The following RCAN2 variants were observed in gnomAD, a reference collection of about 807,000 sequenced individuals.
RCAN2 encodes the protein calcipressin-2.
A neutral mutation model predicts 23.6 loss-of-function variants in RCAN2; 9 were observed. That is an observed-to-expected ratio of 0.38 (90% CI 0.23 to 0.67). The LOEUF (loss-of-function observed/expected upper bound fraction) is 0.67, where lower values mean the gene tolerates loss of function less well. Among genes scored for constraint, RCAN2 ranks in the 30% least tolerant of loss-of-function variants. The probability of loss-of-function intolerance (pLI) is 0.51; values close to 1 mark genes in which losing one functional copy is unlikely to be tolerated. For synonymous variants in RCAN2, 109 were observed against 115.7 expected, an observed-to-expected ratio of 0.94 and a Z score of 0.37; for missense variants, 273 against 302.3, an observed-to-expected ratio of 0.90 and a Z score of 0.72.
At chr6:46,260,520 C>T (rs184969136) in intron 2 of RCAN2, among the ~76,000 whole-genome samples, 1 of 152,162 alleles carries the variant, frequency 6.6e-6, no homozygotes, top group Non-Finnish European at 1.5e-5. Flanking sequence ...GGAAGCTGTC[C>T]AATAAGTAGG....
intron 2 of RCAN2, among the ~76,000 whole-genome samples, chr6:46,281,969 T>A (rs1413911392): frequency 6.6e-6 from 1 of 152,180 alleles, no homozygotes; most frequent in Admixed American, 6.5e-5. Context: ...TCATCATTAA[T>A]GGTAACTTTC....
At chr6:46,359,144 T>C (rs1300517801) in intron 2 of RCAN2, among the ~76,000 whole-genome samples, 2 of 152,344 alleles carry the variant, frequency 1.3e-5, no homozygotes, top group South Asian at 4.1e-4. Flanking sequence ...AGTTCCCAGC[T>C]GGTGCTGTTG....
At chr6:46,457,992 G>A (rs1026835853) in intron 1 of RCAN2, among the ~76,000 whole-genome samples, 5 of 152,090 alleles carry the variant, frequency 3.3e-5, no homozygotes, top group Admixed American at 6.5e-5. Flanking sequence ...CTTTTGTACC[G>A]ATTTTCATGA....
chr6:46,349,736 T>C (rs1054390483), intron 2 of RCAN2, among the ~76,000 whole-genome samples: 2 of 152,210 alleles, frequency 1.3e-5, no homozygotes, highest in African/African-American at 4.8e-5. Flanking sequence ...TTCTTACCTC[T>C]ACCACTGTGG....
At chr6:46,357,828 A>C (rs1441841799) in intron 2 of RCAN2, among the ~76,000 whole-genome samples, 1 of 152,192 alleles carries the variant, frequency 6.6e-6, no homozygotes, top group African/African-American at 2.4e-5. Context: ...AAATGCAGAC[A>C]ATATAAAGAA....
intron 2 of RCAN2, among the ~76,000 whole-genome samples, chr6:46,285,477 G>A (rs533741498): frequency 2.0e-4 from 30 of 152,276 alleles, no homozygotes; most frequent in Admixed American, 4.6e-4. Context: ...AAATAAAGAG[G>A]TTCTAATCGA....
chr6:46,356,841 AACAT>A (rs2150381171), intron 2 of RCAN2, among the ~76,000 whole-genome samples: 1 of 152,320 alleles, frequency 6.6e-6, no homozygotes, highest in African/African-American at 2.4e-5. Flanking sequence ...CTGTCAGATG[AACAT>A]TATATTATAC....
At chr6:46,481,303 T>C (rs1413120619) in intron 1 of RCAN2, among the ~76,000 whole-genome samples, 1 of 152,206 alleles carries the variant, frequency 6.6e-6, no homozygotes, top group Non-Finnish European at 1.5e-5. Flanking sequence ...TAATGAAATA[T>C]ATGAGTGAAT....
Position 46,284,166 on chromosome 6 carries a change from AATTT to A in RCAN2, c.226-35274_226-35271del, listed in dbSNP as rs201492518. ...AGCGATAGAGTTAATGTGGGCAGAA[AATTT>A]GTACCTTCTCATTGCAAAATATGGT... On this transcript the variant is annotated intron_variant, in intron 2 of 4. Transcript: ENST00000371374. Among the ~76,000 whole-genome samples the A allele has an allele frequency of 9.8e-3, 1,490 of 152,302 alleles. 9 individuals carry two copies. The highest frequency in any genetic ancestry group is 0.014 in the Non-Finnish European group (974 of 68,034).
At chr6:46,403,672 G>GCAGAATCTACCAACAAAGGA (rs1249838748) in intron 2 of RCAN2, among the ~76,000 whole-genome samples, 33 of 151,998 alleles carry the variant, frequency 2.2e-4, no homozygotes, top group Admixed American at 1.0e-3. Flanking sequence ...GATAAGGTTA[G>GCAGAATCTACCAACAAAGGA]CAGAATCTAC....
rs185889177 is a variant in RCAN2 at position 46,343,486 on chromosome 6, C to T, written c.226-94590G>A. Among the ~76,000 whole-genome samples the T allele has an allele frequency of 7.2e-3, 1,092 of 151,062 alleles. 17 individuals are homozygous for T. The highest frequency in any genetic ancestry group is 0.056 in the East Asian group (285 of 5,078). On this transcript the variant is annotated intron_variant, in intron 2 of 4. Coordinates refer to ENST00000371374, the MANE Select transcript of RCAN2 (RefSeq NM_001251974.2). ...CGCCTCCCGGGTTCATGCCATTCTCCTGCCTCAGCCTCCTGAGTAGCTGGG... is the reference window on the plus strand; with the variant it reads ...CGCCTCCCGGGTTCATGCCATTCTCTTGCCTCAGCCTCCTGAGTAGCTGGG...
intron 1 of RCAN2, among the ~76,000 whole-genome samples, chr6:46,470,554 A>C (rs972193142): frequency 6.6e-6 from 1 of 152,204 alleles, no homozygotes; most frequent in African/African-American, 2.4e-5. Context: ...TAATAGCTCT[A>C]CCTTTCAGAT....
intron 2 of RCAN2, among the ~76,000 whole-genome samples, chr6:46,313,084 T>C (rs1336467546): frequency 6.6e-6 from 1 of 152,200 alleles, no homozygotes; most frequent in African/African-American, 2.4e-5. Flanking sequence ...CTCTCTGGCA[T>C]TTCTGCTTTA....
chr6:46,289,958 C>T (rs888331393), intron 2 of RCAN2, among the ~76,000 whole-genome samples: 1 of 152,194 alleles, frequency 6.6e-6, no homozygotes, highest in African/African-American at 2.4e-5. Flanking sequence ...TTGTCCTCTA[C>T]TTCATGTTTT....
chr6:46,234,482 C>T (rs548369814), intron 4 of RCAN2, among the ~76,000 whole-genome samples: 3 of 152,308 alleles, frequency 2.0e-5, no homozygotes, highest in African/African-American at 7.2e-5. Context: ...TCAAATCTTA[C>T]CCACACAGGG....
intron 2 of RCAN2, among the ~76,000 whole-genome samples, chr6:46,386,610 CA>C (rs142110760): frequency 1.8e-3 from 168 of 91,684 alleles, no homozygotes; most frequent in African/African-American, 7.2e-3. Context: ...CTCTGTCTCA[CA>C]AAAAAAAAAA....
At chr6:46,445,806 T>C (rs1255691115) in intron 2 of RCAN2, among the ~76,000 whole-genome samples, 2 of 150,186 alleles carry the variant, frequency 1.3e-5, no homozygotes, top group African/African-American at 4.9e-5. Context: ...AACAGCGAAC[T>C]GGTGAAGCAG....
intron 2 of RCAN2, among the ~76,000 whole-genome samples, chr6:46,388,717 A>T (rs1015396361): frequency 6.6e-6 from 1 of 152,170 alleles, no homozygotes; most frequent in Non-Finnish European, 1.5e-5. Flanking sequence ...CAAACACTGC[A>T]TGTTTTCCCT....
At chr6:46,229,288 C>T (rs185316989) in intron 4 of RCAN2, among the ~76,000 whole-genome samples, 8 of 152,204 alleles carry the variant, frequency 5.3e-5, no homozygotes, top group Non-Finnish European at 1.0e-4. Context: ...GTGGCGTTCT[C>T]TGTATTTCCT....
Sources: allele counts gnomAD v4.1 joint callset (sites outside exome capture counted in the v4.1 genomes callset), GRCh38; gene constraint gnomAD v4.1.1; transcripts MANE v1.5; gene names NCBI Gene and HGNC (gene_info 2026-07-23, HGNC 2026-07-21).